Variants in SCAPER observed in about 807,000 individuals in gnomAD.
The protein encoded by SCAPER is S phase cyclin A-associated protein in the endoplasmic reticulum.
A neutral mutation model predicts 182.2 loss-of-function variants in SCAPER; 98 were observed. The ratio of observed to expected loss-of-function variants is 0.54; its 90% CI spans 0.46 to 0.64. The LOEUF (loss-of-function observed/expected upper bound fraction) is 0.64. Ranked by LOEUF, SCAPER falls within the 30% of genes least tolerant of loss-of-function variation. The probability of loss-of-function intolerance (pLI) is 0.00; values close to 1 mark genes in which losing one functional copy is unlikely to be tolerated. For synonymous variants in SCAPER, 605 were observed against 564.6 expected (o/e 1.07, Z -1.01); for missense variants, 1,432 against 1,690.0 (o/e 0.85, Z 2.68).
chr15:76,683,015 G>T (rs1303172313), intron 20 of SCAPER, among the ~76,000 whole-genome samples: 1 of 152,172 alleles, frequency 6.6e-6, no homozygotes, highest in East Asian at 1.9e-4. Flanking sequence ...TACCTCAAAA[G>T]TACCATATTA....
At chr15:76,470,629 A>G (rs773210293) in intron 25 of SCAPER, among the ~76,000 whole-genome samples, 6 of 152,180 alleles carry the variant, frequency 3.9e-5, no homozygotes, top group Non-Finnish European at 8.8e-5. Flanking sequence ...TGCAGTTGAC[A>G]TACTTAAACC....
intron 5 of SCAPER, among the ~76,000 whole-genome samples, chr15:76,805,644 T>G (rs2066102255): frequency 6.8e-6 from 1 of 146,844 alleles, no homozygotes; most frequent in Admixed American, 7.0e-5. Flanking sequence ...CGCGGCTCAC[T>G]GCAACCTCCA....
chr15:76,822,873 C>T (rs967240255), intron 5 of SCAPER, among the ~76,000 whole-genome samples: 1 of 152,146 alleles, frequency 6.6e-6, no homozygotes, highest in African/African-American at 2.4e-5. Context: ...GTATGTATTA[C>T]TACAACAGTC....
chr15:76,607,787 C>T (rs905989265), intron 22 of SCAPER, among the ~76,000 whole-genome samples: 1 of 152,108 alleles, frequency 6.6e-6, no homozygotes, highest in Non-Finnish European at 1.5e-5. Context: ...TCGCTGATAC[C>T]CTTTCTTCCA....
chr15:76,721,018 G>A (rs1436803328), intron 17 of SCAPER, among the ~76,000 whole-genome samples: 1 of 152,114 alleles, frequency 6.6e-6, no homozygotes, highest in Non-Finnish European at 1.5e-5. Context: ...TGTCCTGAAT[G>A]GTAATGCCTA....
intron 24 of SCAPER, among the ~76,000 whole-genome samples, chr15:76,497,199 C>G (rs1472430960): frequency 6.8e-6 from 1 of 146,402 alleles, no homozygotes; most frequent in Non-Finnish European, 1.5e-5. Flanking sequence ...AGAAGTGAAT[C>G]TACATGATTA....
intron 14 of SCAPER, among the ~76,000 whole-genome samples, chr15:76,757,883 T>C (rs908112823): frequency 2.6e-5 from 4 of 152,222 alleles, no homozygotes; most frequent in African/African-American, 4.8e-5. Flanking sequence ...TCCATGTACC[T>C]GTTAGCCTTT....
chr15:76,688,304 T>C (rs1326255735), intron 20 of SCAPER, among the ~76,000 whole-genome samples: 1 of 152,202 alleles, frequency 6.6e-6, no homozygotes. Context: ...CCTGTAAACG[T>C]GTTTAAGTTA....
chr15:76,670,007 T>C (rs1489019207), intron 20 of SCAPER, among the ~76,000 whole-genome samples: 1 of 152,148 alleles, frequency 6.6e-6, no homozygotes, highest in East Asian at 1.9e-4. Context: ...AAGAATCATA[T>C]CTTTATTATA....
chr15:76,699,088 C>T (rs933358990), intron 20 of SCAPER, among the ~76,000 whole-genome samples: 1 of 152,114 alleles, frequency 6.6e-6, no homozygotes, highest in South Asian at 2.1e-4. Context: ...TGTGTAGAAA[C>T]GCTACTGATT....
intron 1 of SCAPER, among the ~76,000 whole-genome samples, chr15:76,887,598 G>A (rs2073913424): frequency 6.6e-6 from 1 of 152,214 alleles, no homozygotes; most frequent in South Asian, 2.1e-4. Flanking sequence ...CCCAGTCAGG[G>A]AGGAGCGTCC....
At chr15:76,766,754 G>A (rs143044601) in intron 11 of SCAPER, among the ~76,000 whole-genome samples, 164 bp downstream of exon 11, 5 of 152,302 alleles carry the variant, frequency 3.3e-5, no homozygotes, top group African/African-American at 7.2e-5. Context: ...TGTTTATTGT[G>A]TAAGTCTAAA....
chr15:76,739,537 A>T (rs2061442463), intron 15 of SCAPER, among the ~76,000 whole-genome samples: 1 of 152,220 alleles, frequency 6.6e-6, no homozygotes, highest in Non-Finnish European at 1.5e-5. Flanking sequence ...CACACCAATG[A>T]GCAGATAGCA....
chr15:76,551,204 G>A (rs2045740831), intron 23 of SCAPER, among the ~76,000 whole-genome samples: 2 of 152,172 alleles, frequency 1.3e-5, no homozygotes, highest in Non-Finnish European at 2.9e-5. Context: ...AATCCTGCTA[G>A]TGGCTACTTA....
In SCAPER at chr15:76,600,428, T is replaced by TATC. The variant is rs2049837104; in HGVS notation, c.2711+21335_2711+21336insGAT. Among the ~76,000 whole-genome samples, 2 of 82,302 alleles carry TATC rather than the reference T, an allele frequency of 2.4e-5. 1 individual carries two copies. The highest frequency in any genetic ancestry group is 6.5e-5 in the African/African-American group (2 of 30,582). 54.0% of individuals were successfully genotyped at this position (82,302 alleles called of 152,430 possible). A position where few individuals can be genotyped will look rare whatever the true frequency, so the allele number is the denominator to read the frequency against. ...GTGTGTGTGTGTGTGTGTGTGTGTG[T>TATC]GTATACATATACATATATATATATA... On this transcript the variant is annotated intron_variant, in intron 22 of 31. Coordinates refer to ENST00000563290, the MANE Select transcript of SCAPER (RefSeq NM_020843.4).
chr15:76,792,683 A>G (rs908013561), intron 8 of SCAPER, among the ~76,000 whole-genome samples: 1 of 152,234 alleles, frequency 6.6e-6, no homozygotes, highest in African/African-American at 2.4e-5. Context: ...GAAGAGAAAG[A>G]GGCTGTAAGA....
intron 17 of SCAPER, among the ~76,000 whole-genome samples, chr15:76,712,192 G>T (rs2150883275): frequency 6.6e-6 from 1 of 152,212 alleles, no homozygotes; most frequent in Non-Finnish European, 1.5e-5. Flanking sequence ...TATTAAATAG[G>T]GAATCCTTTC....
At chr15:76,494,447 C>A (rs157764) in intron 24 of SCAPER, among the ~76,000 whole-genome samples, 147,879 of 152,260 alleles carry the variant, frequency 0.97, 71,940 homozygotes, top group South Asian at 1. Context: ...CATCAATAAA[C>A]CAGTACAAAA....
intron 20 of SCAPER, among the ~76,000 whole-genome samples, chr15:76,684,989 CTATAGT>C (rs200516349): frequency 0.13 from 20,357 of 151,662 alleles, 1,401 homozygotes; most frequent in African/African-American, 0.17. Flanking sequence ...AATTTATATG[CTATAGT>C]AGTGAACAGA....
Sources: allele counts gnomAD v4.1 joint callset (sites outside exome capture counted in the v4.1 genomes callset), GRCh38; gene constraint gnomAD v4.1.1; transcripts MANE v1.5; gene names NCBI Gene and HGNC (gene_info 2026-07-23, HGNC 2026-07-21).